Variants in SLC15A5 observed in about 807,000 individuals in gnomAD.
The protein encoded by SLC15A5 is Peptide/histidine transporter ENSP00000340402.
A neutral mutation model predicts 56.1 loss-of-function variants in SLC15A5; 58 were observed. The ratio of observed to expected loss-of-function variants is 1.03; its 90% CI spans 0.84 to 1.29. The LOEUF (loss-of-function observed/expected upper bound fraction) is 1.29. SLC15A5 is among the 50% of genes most tolerant of loss of function. The pLI is 0.00. For synonymous variants in SLC15A5, 264 were observed against 250.5 expected (o/e 1.05, Z -0.51); for missense variants, 681 against 672.1 (o/e 1.01, Z -0.15).
intron 3 of SLC15A5, among the ~76,000 whole-genome samples, chr12:16,256,908 T>TG (rs1269860724): frequency 3.0e-5 from 2 of 67,224 alleles, no homozygotes; most frequent in Non-Finnish European, 5.9e-5. Context: ...TAGAGATGCA[T>TG]GGGGAATAGA....
chr12:16,273,761 A>G (rs1319617721), intron 1 of SLC15A5, among the ~76,000 whole-genome samples: 1 of 147,270 alleles, frequency 6.8e-6, no homozygotes, highest in Non-Finnish European at 1.5e-5. Context: ...TGGAAATAGC[A>G]TTCCCCCCCA....
chr12:16,217,325 A>T (rs1234563046), intron 6 of SLC15A5, among the ~76,000 whole-genome samples: 2 of 152,106 alleles, frequency 1.3e-5, no homozygotes, highest in East Asian at 3.8e-4. Flanking sequence ...ATTTCTGATA[A>T]ATTTTGGATA....
At position 16,277,627 on chromosome 12, in the gene SLC15A5, T is replaced by G; in HGVS notation, c.59A>C (p.Glu20Ala). 1 of 1,536,274 alleles carries G rather than the reference T, an allele frequency of 6.5e-7. No homozygotes were observed. Among genetic ancestry groups the G allele is most frequent in the East Asian group, 2.4e-5 (1 of 40,894 alleles). ...AATATGTCTTACAGTTTTCTCCTTC[T>G]CAATGCTGTGATATAAGTGTACTTT... ...DEKVHLYHSI[E>A]KEKTVRHIGD... Residue 20 changes from glutamate to alanine, a missense_variant, in exon 1 of 9, where the codon GAG (glutamate) becomes GCG (alanine). Physicochemically the swap from Glu to Ala is moderately radical, Grantham distance 107. Transcript: ENST00000344941.
rs892730520 is a variant in SLC15A5, at chr12:16,235,290, G to GTA, written c.1162+4389_1162+4390dup. The stretch of plus-strand genomic sequence containing the variant: ...TGTATATGTATATATATGTATATAT[G>GTA]TATATGTATATGTATATATATGTAT... On this transcript the variant is annotated intron_variant, in intron 5 of 8. Coordinates refer to ENST00000344941, the MANE Select transcript of SLC15A5 (RefSeq NM_001170798.1). The surrounding 1 kb of genome is among the most constrained non-coding windows in gnomAD (Gnocchi z 4.1). Among the ~76,000 whole-genome samples the GTA allele has an allele frequency of 3.2e-3, 471 of 145,160 alleles. 3 individuals carry two copies. The highest frequency in any genetic ancestry group is 4.3e-3 in the Non-Finnish European group (288 of 66,286).
intron 4 of SLC15A5, 82 bp downstream of exon 4, chr12:16,244,498 G>T: frequency 7.9e-7 from 1 of 1,266,158 alleles, no homozygotes; most frequent in Non-Finnish European, 1.1e-6. Context: ...GCGCTCGTTG[G>T]GGAGAAAATT....
At chr12:16,207,688 C>T (rs1490143263) in intron 7 of SLC15A5, among the ~76,000 whole-genome samples, 1 of 151,618 alleles carries the variant, frequency 6.6e-6, no homozygotes, top group African/African-American at 2.4e-5. Flanking sequence ...CTCTTGTTAC[C>T]CAGGCTCCAG....
At chr12:16,197,153 G>C (rs1863902421) in intron 7 of SLC15A5, among the ~76,000 whole-genome samples, 1 of 151,106 alleles carries the variant, frequency 6.6e-6, no homozygotes, top group Middle Eastern at 3.5e-3. Context: ...TTTCTATAAT[G>C]CTCCTGTATT....
At chr12:16,225,291 A>C (rs937379366) in intron 5 of SLC15A5, among the ~76,000 whole-genome samples, 4 of 152,218 alleles carry the variant, frequency 2.6e-5, no homozygotes, top group African/African-American at 9.6e-5. Flanking sequence ...TAGATCCCTG[A>C]GGAATGGCCA....
At chr12:16,238,821 C>A (rs1423254816) in intron 5 of SLC15A5, among the ~76,000 whole-genome samples, 1 of 152,130 alleles carries the variant, frequency 6.6e-6, no homozygotes, top group Non-Finnish European at 1.5e-5. Flanking sequence ...TTAAATGTGT[C>A]CCCTGCACAT....
At chr12:16,264,914 G>A (rs12371894) in intron 2 of SLC15A5, among the ~76,000 whole-genome samples, 64 of 151,984 alleles carry the variant, frequency 4.2e-4, no homozygotes, top group Admixed American at 2.9e-3. Context: ...CTAGTCTTGG[G>A]TATGTCTTTA....
chr12:16,207,492 G>T (rs1864032467), intron 7 of SLC15A5, among the ~76,000 whole-genome samples: 1 of 151,996 alleles, frequency 6.6e-6, no homozygotes, highest in South Asian at 2.1e-4. Flanking sequence ...CCTGTGTCTT[G>T]TGCTCTTTAG....
intron 7 of SLC15A5, among the ~76,000 whole-genome samples, chr12:16,213,570 A>G (rs1864103263): frequency 6.6e-6 from 1 of 152,212 alleles, no homozygotes; most frequent in Non-Finnish European, 1.5e-5. Context: ...AGATTATGCT[A>G]CTACATCTTC....
At chr12:16,216,727 A>T (rs1864132663) in intron 7 of SLC15A5, among the ~76,000 whole-genome samples, 166 bp downstream of exon 7, 1 of 152,212 alleles carries the variant, frequency 6.6e-6, no homozygotes, top group Non-Finnish European at 1.5e-5. Context: ...CCCAGAAATT[A>T]ATGAATACAG....
In SLC15A5 at chr12:16,249,577, A is replaced by G. The variant is rs150500830; in HGVS notation, c.755-4777T>C. ...TTTTTTCTTGTTAACATCCAAAAAT[A>G]GGTTACCTTATCACATGTTAAAATG... On this transcript the variant is annotated intron_variant, in intron 3 of 8. Transcript: ENST00000344941. Among the ~76,000 whole-genome samples, 191 of 152,222 alleles carry G rather than the reference A, an allele frequency of 1.3e-3. 1 individual carries two copies. The Middle Eastern group carries it at 0.014, about 11-fold the overall frequency.
rs532913802 is a variant in SLC15A5, at chr12:16,273,696, T to G, written c.362-913A>C. Among the ~76,000 whole-genome samples, 7 of 151,454 alleles carry G rather than the reference T, an allele frequency of 4.6e-5. No homozygotes were observed. In the East Asian group the frequency reaches 1.4e-3, roughly 29 times the overall value. On this transcript the variant is annotated intron_variant, in intron 1 of 8. Transcript: ENST00000344941. Reference sequence around the variant, plus strand: ...GTTATAAAGTAACCCAGTTGTAATCTCCCTCTTCTTGGACCTCCTACCATC... The same window carrying G: ...GTTATAAAGTAACCCAGTTGTAATCGCCCTCTTCTTGGACCTCCTACCATC...
At position 16,189,614 on chromosome 12, in the gene SLC15A5, A is replaced by G; in HGVS notation, c.*54T>C. 7.4e-7 allele frequency: 1 copy of G among 1,350,308 alleles called. No homozygotes were observed. Among genetic ancestry groups the G allele is most frequent in the Non-Finnish European group, 9.5e-7 (1 of 1,048,696 alleles). 83.6% of individuals were successfully genotyped at this position (1,350,308 alleles called of 1,614,324 possible). ...CTAAAACACATAAAATGCTCAACTG[A>G]AGAAGAAAACAATGAATACTGTTCT... On this transcript the variant is annotated 3_prime_UTR_variant, in exon 9 of 9. Coordinates refer to ENST00000344941, the MANE Select transcript of SLC15A5 (RefSeq NM_001170798.1).
In SLC15A5 at chr12:16,243,585, ATCT is replaced by A. The variant is rs1864433974; in HGVS notation, c.975+992_975+994del. Among the ~76,000 whole-genome samples, 2 of 152,120 alleles carry A rather than the reference ATCT, an allele frequency of 1.3e-5. No individual in the cohort carries two copies. The highest frequency in any genetic ancestry group is 1.3e-4 in the Admixed American group (2 of 15,258). On this transcript the variant is annotated intron_variant, in intron 4 of 8. Coordinates refer to ENST00000344941, the MANE Select transcript of SLC15A5 (RefSeq NM_001170798.1). The surrounding 1 kb of genome is among the most constrained non-coding windows in gnomAD (Gnocchi z 4.4). ...TTTTCAAACATATAAAAATGTAAAA[ATCT>A]TCTTAGCTTACAGGATGTACAAAAA... is the stretch of plus-strand genomic sequence containing the variant.
chr12:16,197,480 C>A (rs1172825503), intron 7 of SLC15A5, among the ~76,000 whole-genome samples: 1 of 152,028 alleles, frequency 6.6e-6, no homozygotes, highest in Non-Finnish European at 1.5e-5. Context: ...TTGAATCTTG[C>A]CTTAACAGTG....
At chr12:16,192,327 A>C (rs574854945) in intron 8 of SLC15A5, among the ~76,000 whole-genome samples, 1 of 152,224 alleles carries the variant, frequency 6.6e-6, no homozygotes, top group Non-Finnish European at 1.5e-5. Flanking sequence ...GAGAAAGTAG[A>C]TAGGAGATGG....
Sources: gnomAD v4.1 joint callset for allele counts (sites outside exome capture counted in the v4.1 genomes callset) on GRCh38, gnomAD v4.1.1 for gene constraint, Gnocchi (gnomAD v3.1) non-coding constraint, MANE v1.5 for transcripts, NCBI Gene and HGNC (gene_info 2026-07-23, HGNC 2026-07-21) for gene names.